Variants in RGS6 observed in about 807,000 individuals in gnomAD.
RGS6 encodes regulator of G protein signaling 6.
In RGS6, 30 loss-of-function variants were observed where a neutral mutation model predicts 78.5. The observed-to-expected ratio is 0.38, with a 90% CI of 0.29 to 0.52. The LOEUF is 0.52. Ranked by LOEUF, RGS6 falls within the 20% of genes least tolerant of loss-of-function variation. RGS6 has a pLI of 0.85. For missense variants in RGS6, 495 were observed against 609.7 expected (o/e 0.81, Z 1.98); for synonymous variants, 206 against 206.0 (o/e 1.00, Z 0.00).
chr14:72,175,347 A>C (rs552587327), intron 2 of RGS6, among the ~76,000 whole-genome samples: 2 of 152,364 alleles, frequency 1.3e-5, no homozygotes, highest in East Asian at 1.9e-4. Flanking sequence ...TAGAATGTTC[A>C]GTTAGTGATA....
chr14:71,897,990 C>A, the RGS6 span, among the ~76,000 whole-genome samples: 2 of 151,482 alleles, frequency 1.3e-5, no homozygotes, highest in African/African-American at 2.4e-5. Flanking sequence ...ACTGGACAAG[C>A]CTGTTTTTCT....
intron 3 of RGS6, among the ~76,000 whole-genome samples, chr14:72,413,460 G>A (rs1216620076): frequency 1.3e-5 from 2 of 152,130 alleles, no homozygotes; most frequent in Non-Finnish European, 2.9e-5. Flanking sequence ...GCCTATGTGT[G>A]TCTCTGCACG....
At chr14:72,390,414 G>A (rs2089643038) in intron 3 of RGS6, among the ~76,000 whole-genome samples, 1 of 151,832 alleles carries the variant, frequency 6.6e-6, no homozygotes, top group African/African-American at 2.4e-5. Flanking sequence ...CATAGTTCTT[G>A]GTGGAAAGCA....
chr14:72,472,801 G>T, intron 8 of RGS6, 71 bp from the exon 9 acceptor site: 1 of 1,145,824 alleles, frequency 8.7e-7, no homozygotes, highest in Non-Finnish European at 1.3e-6. Context: ...AGGAGCAAAC[G>T]CTGGAGCAAG....
intron 3 of RGS6, among the ~76,000 whole-genome samples, chr14:72,384,467 A>G (rs957959097): frequency 6.6e-6 from 1 of 152,358 alleles, no homozygotes; most frequent in East Asian, 1.9e-4. Context: ...TAGAAAATTT[A>G]ACCTTATGTT....
chr14:72,132,568 C>T (rs1434789462), intron 2 of RGS6, among the ~76,000 whole-genome samples: 7 of 152,142 alleles, frequency 4.6e-5, no homozygotes, highest in African/African-American at 1.7e-4. Context: ...CATGAGCCAC[C>T]ACGCCTGGCC....
At chr14:72,188,773 C>G (rs184428402) in intron 2 of RGS6, among the ~76,000 whole-genome samples, 1 of 152,264 alleles carries the variant, frequency 6.6e-6, no homozygotes. Flanking sequence ...AAGAGCAGCT[C>G]TCTTCAAGCA....
intron 17 of RGS6, chr14:72,552,732 G>C (rs2097524635): frequency 6.6e-6 from 1 of 152,196 alleles, no homozygotes. Flanking sequence ...GGCAGGGGAT[G>C]CTTTGAAATT....
intron 2 of RGS6, among the ~76,000 whole-genome samples, chr14:72,169,494 C>T (rs1178152898): frequency 6.6e-6 from 1 of 152,186 alleles, no homozygotes. Context: ...AGTGTTTCAA[C>T]AGAAACAGTG....
chr14:72,548,944 A>T (rs1453571261), intron 17 of RGS6, among the ~76,000 whole-genome samples: 8 of 152,256 alleles, frequency 5.3e-5, no homozygotes. Context: ...GATAGTGCAG[A>T]GTAGGTTTCT....
At chr14:72,053,968 T>C (rs1166419088) in intron 2 of RGS6, among the ~76,000 whole-genome samples, 1 of 152,192 alleles carries the variant, frequency 6.6e-6, no homozygotes, top group African/African-American at 2.4e-5. Context: ...AAGGTGGAAA[T>C]TGAGATAAGA....
intron 2 of RGS6, among the ~76,000 whole-genome samples, chr14:71,992,541 C>T (rs2238273): frequency 0.078 from 11,905 of 152,142 alleles, 573 homozygotes; most frequent in East Asian, 0.2. Flanking sequence ...TGAGGGAACT[C>T]GGATAAAGAA....
intron 12 of RGS6, among the ~76,000 whole-genome samples, chr14:72,480,832 TATCCCCCAGGAAACCGC>T (rs1446107017): frequency 6.6e-6 from 1 of 152,080 alleles, no homozygotes; most frequent in Non-Finnish European, 1.5e-5. Flanking sequence ...GGCAATTCCA[TATCCCCCAGGAAACCGC>T]ATCCCCCAGG....
At chr14:72,183,748 T>C (rs1174953309) in intron 2 of RGS6, among the ~76,000 whole-genome samples, 1 of 152,188 alleles carries the variant, frequency 6.6e-6, no homozygotes, top group Non-Finnish European at 1.5e-5. Flanking sequence ...AAAGCAAGCA[T>C]GCTGATATCT....
At chr14:72,065,943 T>C (rs1394013121) in intron 2 of RGS6, among the ~76,000 whole-genome samples, 3 of 121,078 alleles carry the variant, frequency 2.5e-5, no homozygotes, top group African/African-American at 9.5e-5. Flanking sequence ...CCCACAACAG[T>C]CCCCAGAGTG....
the RGS6 span, among the ~76,000 whole-genome samples, chr14:71,877,480 C>A: frequency 6.6e-6 from 1 of 152,338 alleles, no homozygotes; most frequent in Non-Finnish European, 1.5e-5. Context: ...ACTACTGAAG[C>A]TTGTGCATGC....
chr14:72,476,964 G>A (rs927532196), intron 11 of RGS6, 124 bp downstream of exon 11: 2 of 783,432 alleles, frequency 2.6e-6, no homozygotes, highest in African/African-American at 3.5e-5. Flanking sequence ...GAACCCAGCT[G>A]TGGGTGATTG....
intron 2 of RGS6, among the ~76,000 whole-genome samples, chr14:72,061,275 T>C (rs1295275715): frequency 6.6e-6 from 1 of 152,232 alleles, no homozygotes; most frequent in Non-Finnish European, 1.5e-5. Context: ...ACTAGACATA[T>C]ATCTTCAGCA....
the RGS6 span, among the ~76,000 whole-genome samples, chr14:71,875,751 A>C: frequency 4.6e-5 from 7 of 152,116 alleles, no homozygotes; most frequent in Non-Finnish European, 1.0e-4. Flanking sequence ...TGTCAATTTT[A>C]GATCTTTCCT....
Sources: gnomAD v4.1 joint callset for allele counts (sites outside exome capture counted in the v4.1 genomes callset) on GRCh38, gnomAD v4.1.1 for gene constraint, MANE v1.5 for transcripts, NCBI Gene and HGNC (gene_info 2026-07-23, HGNC 2026-07-21) for gene names.